NKAIN3: variants seen among roughly 807,000 people sequenced by gnomAD.
The protein encoded by NKAIN3 is sodium/potassium transporting ATPase interacting 3, also known as sodium/potassium-transporting ATPase subunit beta-1-interacting protein 3.
A neutral mutation model predicts 30.2 loss-of-function variants in NKAIN3; 25 were observed. The ratio of observed to expected loss-of-function variants is 0.83; its 90% CI spans 0.60 to 1.16. NKAIN3 has a LOEUF of 1.16. NKAIN3 is among the 50% of genes most tolerant of loss of function. NKAIN3 has a pLI of 0.00. For missense variants in NKAIN3, 225 were observed against 254.1 expected, an observed-to-expected ratio of 0.89 and a Z score of 0.78; for synonymous variants, 91 against 89.6, an observed-to-expected ratio of 1.02 and a Z score of -0.09.
chr8:62,721,234 A>G (rs1453046134), intron 3 of NKAIN3, among the ~76,000 whole-genome samples: 2 of 152,208 alleles, frequency 1.3e-5, no homozygotes, highest in Non-Finnish European at 2.9e-5. Flanking sequence ...ATTTTGCTGA[A>G]GACTGCCTCA....
chr8:62,640,903 T>C (rs1290855703), intron 3 of NKAIN3, among the ~76,000 whole-genome samples: 1 of 152,136 alleles, frequency 6.6e-6, no homozygotes, highest in African/African-American at 2.4e-5. Flanking sequence ...TTCTATTCAG[T>C]CATGTTTTTG....
intron 5 of NKAIN3, among the ~76,000 whole-genome samples, chr8:62,925,115 G>T (rs565103318): frequency 2.0e-5 from 3 of 152,084 alleles, no homozygotes; most frequent in Admixed American, 2.0e-4. Context: ...TCTCCATGCC[G>T]CAGTAGACCC....
chr8:62,863,784 GC>G (rs1214036150), intron 4 of NKAIN3: 6 of 1,611,134 alleles, frequency 3.7e-6, no homozygotes, highest in Non-Finnish European at 5.1e-6. Flanking sequence ...GTAGAGAAGT[GC>G]CCCCATCCAA....
At chr8:62,835,236 A>G (rs1819323123) in intron 4 of NKAIN3, among the ~76,000 whole-genome samples, 1 of 152,184 alleles carries the variant, frequency 6.6e-6, no homozygotes. Context: ...AAACCTAGGA[A>G]ATACCATTCT....
chr8:62,794,073 C>A (rs933846395), intron 4 of NKAIN3, among the ~76,000 whole-genome samples: 1 of 152,196 alleles, frequency 6.6e-6, no homozygotes, highest in African/African-American at 2.4e-5. Context: ...CTTACAACAT[C>A]AGTGGCTATT....
intron 1 of NKAIN3, among the ~76,000 whole-genome samples, chr8:62,459,370 T>C (rs2129599362): frequency 6.6e-6 from 1 of 152,336 alleles, no homozygotes; most frequent in East Asian, 1.9e-4. Flanking sequence ...TAGATAAGGA[T>C]GATTATTGTT....
chr8:62,532,106 G>A (rs1808507294), intron 1 of NKAIN3, among the ~76,000 whole-genome samples: 1 of 152,166 alleles, frequency 6.6e-6, no homozygotes, highest in South Asian at 2.1e-4. Flanking sequence ...CTAGTCTGAT[G>A]CTTTCTTTCT....
chr8:62,501,548 G>A (rs1195020542), intron 1 of NKAIN3, among the ~76,000 whole-genome samples: 1 of 152,010 alleles, frequency 6.6e-6, no homozygotes, highest in African/African-American at 2.4e-5. Context: ...TGCTCTTGTT[G>A]TTCCTCCTAT....
chr8:62,399,799 G>A (rs910827984), intron 1 of NKAIN3, among the ~76,000 whole-genome samples: 5 of 152,152 alleles, frequency 3.3e-5, no homozygotes, highest in African/African-American at 9.7e-5. Context: ...CAGGATGCAA[G>A]AGCAGTGAGG....
intron 1 of NKAIN3, among the ~76,000 whole-genome samples, chr8:62,499,076 T>TTGA (rs751437643): frequency 3.3e-5 from 5 of 152,196 alleles, no homozygotes; most frequent in Non-Finnish European, 5.9e-5. Context: ...AGTTTCCTTG[T>TTGA]TGATACAGAG....
At chr8:62,259,772 G>GA (rs1812375760) in intron 1 of NKAIN3, among the ~76,000 whole-genome samples, 1 of 152,118 alleles carries the variant, frequency 6.6e-6, no homozygotes, top group Non-Finnish European at 1.5e-5. Flanking sequence ...TGGAGAATGT[G>GA]AAACACTTGA....
intron 1 of NKAIN3, among the ~76,000 whole-genome samples, chr8:62,517,557 T>C (rs910774347): frequency 2.6e-5 from 4 of 152,124 alleles, no homozygotes; most frequent in African/African-American, 7.2e-5. Flanking sequence ...CTTCCACTCA[T>C]AGACCATTAT....
chr8:62,772,276 A>T (rs954896616), intron 4 of NKAIN3, among the ~76,000 whole-genome samples: 2 of 152,214 alleles, frequency 1.3e-5, no homozygotes, highest in African/African-American at 4.8e-5. Context: ...ACCATTGTGT[A>T]TGTATACCAC....
intron 1 of NKAIN3, among the ~76,000 whole-genome samples, chr8:62,532,714 T>C (rs904855725): frequency 1.3e-5 from 2 of 152,166 alleles, no homozygotes; most frequent in Admixed American, 6.5e-5. Context: ...TGCTTCCAAT[T>C]CCATTCTATG....
chr8:62,286,857 T>C (rs1051560047), intron 1 of NKAIN3, among the ~76,000 whole-genome samples: 1 of 151,998 alleles, frequency 6.6e-6, no homozygotes, highest in Non-Finnish European at 1.5e-5. Flanking sequence ...TGTCTGTACT[T>C]TGAATAGAGA....
chr8:62,588,697 CAG>C (rs1810557266), intron 2 of NKAIN3, among the ~76,000 whole-genome samples: 1 of 151,690 alleles, frequency 6.6e-6, no homozygotes, highest in African/African-American at 2.4e-5. Context: ...AATTTAAAAA[CAG>C]TATGCAATGA....
At chr8:62,812,539 A>T (rs1481440548) in intron 4 of NKAIN3, among the ~76,000 whole-genome samples, 1 of 151,764 alleles carries the variant, frequency 6.6e-6, no homozygotes, top group Non-Finnish European at 1.5e-5. Context: ...CAGCATAAAG[A>T]TTCTGTATAT....
intron 1 of NKAIN3, among the ~76,000 whole-genome samples, chr8:62,439,345 G>C (rs142135742): frequency 3.3e-4 from 51 of 152,252 alleles, no homozygotes; most frequent in Middle Eastern, 3.4e-3. Context: ...AGACTGTTAG[G>C]ACAATTACTA....
chr8:62,287,842 G>GA (rs1278738523), intron 1 of NKAIN3, among the ~76,000 whole-genome samples: 3 of 152,056 alleles, frequency 2.0e-5, no homozygotes, highest in Non-Finnish European at 4.4e-5. Context: ...CCTCTACTGT[G>GA]ATCTTCCTGC....
Sources: gnomAD v4.1 joint callset for allele counts (sites outside exome capture counted in the v4.1 genomes callset) on GRCh38, gnomAD v4.1.1 for gene constraint, MANE v1.5 for transcripts, NCBI Gene and HGNC (gene_info 2026-07-23, HGNC 2026-07-21) for gene names.